The following MYO5A variants were observed in gnomAD, a reference collection of about 807,000 sequenced individuals.
MYO5A encodes the protein myosin VA, also known as unconventional myosin-Va.
In MYO5A, 98 loss-of-function variants were observed where a neutral mutation model predicts 249.7. The ratio of observed to expected loss-of-function variants is 0.39; its 90% CI spans 0.33 to 0.46. The LOEUF is 0.46. MYO5A is among the 20% of genes least tolerant of loss of function. MYO5A has a pLI of 0.98. For synonymous variants in MYO5A, 778 were observed against 810.6 expected, an observed-to-expected ratio of 0.96 and a Z score of 0.68; for missense variants, 1,696 against 2,308.8, an observed-to-expected ratio of 0.73 and a Z score of 5.44.
chr15:52,488,772 CCT>C (rs2076875804), intron 1 of MYO5A, among the ~76,000 whole-genome samples: 1 of 110,666 alleles, frequency 9.0e-6, no homozygotes, highest in Non-Finnish European at 2.1e-5. Context: ...TTACTCTTCT[CCT>C]TACTTTGTGA....
chr15:52,322,573 A>G (rs138986547), intron 37 of MYO5A, among the ~76,000 whole-genome samples: 31 of 152,356 alleles, frequency 2.0e-4, no homozygotes, highest in African/African-American at 7.0e-4. Context: ...TGTAAGAATT[A>G]ATGATCATAA....
At chr15:52,392,914 G>C (rs2042312469) in intron 11 of MYO5A, among the ~76,000 whole-genome samples, 2 of 152,224 alleles carry the variant, frequency 1.3e-5, no homozygotes, top group African/African-American at 4.8e-5. Flanking sequence ...AAGAGCAAGA[G>C]TCCTCATCTA....
chr15:52,416,899 AG>A (rs1242131305), intron 4 of MYO5A, among the ~76,000 whole-genome samples: 2 of 152,198 alleles, frequency 1.3e-5, no homozygotes, highest in Non-Finnish European at 2.9e-5. Context: ...TCTCTTTCTC[AG>A]GGGGAAATGG....
intron 1 of MYO5A, chr15:52,438,157 G>T: frequency 1.8e-6 from 1 of 552,604 alleles, no homozygotes; most frequent in Non-Finnish European, 2.3e-6. Flanking sequence ...ATCTCAACCT[G>T]ATATGCCACT....
intron 13 of MYO5A, among the ~76,000 whole-genome samples, chr15:52,388,687 G>C (rs911606817): frequency 2.0e-5 from 3 of 152,160 alleles, no homozygotes; most frequent in Admixed American, 2.0e-4. Flanking sequence ...CAGTAAGACA[G>C]TATGCCTTAT....
chr15:52,371,986 A>C, intron 21 of MYO5A, 138 bp downstream of exon 21: 1 of 1,223,812 alleles, frequency 8.2e-7, no homozygotes, highest in Admixed American at 1.8e-5. Context: ...TTCCATGCCC[A>C]TTATGGAAAT....
At chr15:52,341,319 G>A (rs1045600710) in intron 31 of MYO5A, among the ~76,000 whole-genome samples, 1 of 152,118 alleles carries the variant, frequency 6.6e-6, no homozygotes, top group Middle Eastern at 3.2e-3. Flanking sequence ...TTCTCTCTCC[G>A]CATAAACTTA....
chr15:52,479,296 T>C (rs1370513721), intron 1 of MYO5A, among the ~76,000 whole-genome samples: 1 of 152,170 alleles, frequency 6.6e-6, no homozygotes, highest in African/African-American at 2.4e-5. Context: ...CTTTTTATAA[T>C]AGATTTATGT....
At chr15:52,405,458 A>G (rs2042963412) in intron 8 of MYO5A, 65 bp from the exon 9 acceptor site, 6 of 1,220,000 alleles carry the variant, frequency 4.9e-6, no homozygotes, top group Non-Finnish European at 7.2e-6. Flanking sequence ...ATTACAGCAG[A>G]CAATTTTAAG....
intron 1 of MYO5A, among the ~76,000 whole-genome samples, chr15:52,512,543 G>T (rs1264781641): frequency 6.6e-6 from 1 of 151,952 alleles, no homozygotes; most frequent in Non-Finnish European, 1.5e-5. Context: ...TAGGGAAAAA[G>T]ACAAGAAGGA....
chr15:52,321,532 A>G (rs1298258009), intron 37 of MYO5A, 23 bp from the exon 38 acceptor site: 10 of 1,612,636 alleles, frequency 6.2e-6, no homozygotes, highest in Non-Finnish European at 6.8e-6. Flanking sequence ...GGCAAAGTTA[A>G]TGATACACAT....
At chr15:52,366,629 CAAAAAAAAAAAAA>C (rs60631867) in intron 23 of MYO5A, among the ~76,000 whole-genome samples, 1 of 74,554 alleles carries the variant, frequency 1.3e-5, no homozygotes. Context: ...ATTGATTTAG[CAAAAAAAAAAAAA>C]AAAAAAAAAG....
At chr15:52,441,867 CATA>C (rs2075792186) in intron 1 of MYO5A, among the ~76,000 whole-genome samples, 1 of 152,126 alleles carries the variant, frequency 6.6e-6, no homozygotes, top group African/African-American at 2.4e-5. Flanking sequence ...AGGGACTGCC[CATA>C]ATAATTTTTC....
At chr15:52,523,749 A>T (rs1693507) in intron 1 of MYO5A, among the ~76,000 whole-genome samples, 1 of 151,972 alleles carries the variant, frequency 6.6e-6, no homozygotes, top group Non-Finnish European at 1.5e-5. Flanking sequence ...CTAGGAGAAC[A>T]GCAAGTCGTT....
chr15:52,317,344 A>G, intron 39 of MYO5A, 122 bp from the exon 40 acceptor site: 1 of 954,798 alleles, frequency 1.0e-6, no homozygotes, highest in Non-Finnish European at 1.6e-6. Context: ...TTTTTGTTCA[A>G]TTTTCTTAAA....
At chr15:52,325,259 T>G (rs929756232) in intron 36 of MYO5A, among the ~76,000 whole-genome samples, 18 of 152,058 alleles carry the variant, frequency 1.2e-4, no homozygotes, top group African/African-American at 4.1e-4. Flanking sequence ...ACTGCAGAGA[T>G]CCTCAGAATA....
At chr15:52,461,207 C>G (rs1380120004) in intron 1 of MYO5A, among the ~76,000 whole-genome samples, 1 of 152,180 alleles carries the variant, frequency 6.6e-6, no homozygotes, top group Non-Finnish European at 1.5e-5. Flanking sequence ...CCTACTTCAG[C>G]CTCCCAAAGT....
At chr15:52,341,771 A>C in intron 31 of MYO5A, among the ~76,000 whole-genome samples, 1 of 152,190 alleles carries the variant, frequency 6.6e-6, no homozygotes, top group East Asian at 1.9e-4. Flanking sequence ...AAGCCCCTTG[A>C]ACAAACATTT....
At chr15:52,351,112 G>A (rs565478055) in intron 28 of MYO5A, 142 bp downstream of exon 28, 10 of 776,304 alleles carry the variant, frequency 1.3e-5, no homozygotes, top group Non-Finnish European at 2.0e-5. Flanking sequence ...ACAACACTGG[G>A]ATTTTTTTAA....
Sources: gnomAD v4.1 joint callset for allele counts (sites outside exome capture counted in the v4.1 genomes callset) on GRCh38, gnomAD v4.1.1 for gene constraint, MANE v1.5 for transcripts, NCBI Gene and HGNC (gene_info 2026-07-23, HGNC 2026-07-21) for gene names.